The following TMEM143 variants were observed in gnomAD, a reference collection of about 807,000 sequenced individuals.
TMEM143 encodes the protein transmembrane protein 143.
TMEM143 carries 45 observed loss-of-function variants against 40.3 expected under a neutral mutation model. The observed-to-expected ratio is 1.12, with a 90% confidence interval of 0.88 to 1.43. The LOEUF is 1.43. Ranked by LOEUF, TMEM143 falls within the 40% of genes most tolerant of loss-of-function variation. The probability of loss-of-function intolerance (pLI) is 0.00; values close to 1 mark genes in which losing one functional copy is unlikely to be tolerated. For missense variants in TMEM143, 620 were observed against 613.4 expected, an observed-to-expected ratio of 1.01 and a Z score of -0.11; for synonymous variants, 299 against 282.7, an observed-to-expected ratio of 1.06 and a Z score of -0.58.
At chr19:48,356,838 C>T (rs1244606745) in intron 3 of TMEM143, among the ~76,000 whole-genome samples, 1 of 150,204 alleles carries the variant, frequency 6.7e-6, no homozygotes, top group Non-Finnish European at 1.5e-5. Flanking sequence ...AGGTGATCCG[C>T]CCGCCTCGGC....
chr19:48,358,762 A>G (rs1335159063), intron 3 of TMEM143, among the ~76,000 whole-genome samples: 1 of 152,096 alleles, frequency 6.6e-6, no homozygotes, highest in Non-Finnish European at 1.5e-5. Flanking sequence ...CCTGCCTCTG[A>G]TAGTCTGTTC....
intron 4 of TMEM143, among the ~76,000 whole-genome samples, chr19:48,344,390 A>G (rs535986466): frequency 6.7e-6 from 1 of 148,528 alleles, no homozygotes. Context: ...CTGGGATCAA[A>G]TGATCCTCCC....
chr19:48,351,941 C>T (rs571915318), intron 3 of TMEM143, among the ~76,000 whole-genome samples: 9 of 152,034 alleles, frequency 5.9e-5, no homozygotes, highest in South Asian at 2.1e-4. Context: ...ATGCTCAAGC[C>T]CCTGATATAA....
intron 3 of TMEM143, among the ~76,000 whole-genome samples, chr19:48,348,651 ACTC>A (rs1349105481): frequency 6.6e-6 from 1 of 152,204 alleles, no homozygotes; most frequent in Non-Finnish European, 1.5e-5. Context: ...ACAGTGTGAA[ACTC>A]CTCATTTACA....
intron 6 of TMEM143, among the ~76,000 whole-genome samples, chr19:48,336,283 C>T (rs1304135922): frequency 2.0e-5 from 3 of 151,222 alleles, no homozygotes; most frequent in Admixed American, 1.3e-4. Flanking sequence ...TTTGGGAGGC[C>T]GAGACGGGCA....
At position 48,342,564 on chromosome 19, in the gene TMEM143, A is replaced by G. The variant is rs777482957; in HGVS notation, c.941T>C (p.Leu314Pro). 1.2e-6 allele frequency: 2 copies of G among 1,610,758 alleles called. No homozygotes were observed. Among genetic ancestry groups the G allele is most frequent in the Non-Finnish European group, 1.7e-6 (2 of 1,179,074 alleles). ...LKVATSLLLLLFAIFMGLRAS... is the reference protein window; with the variant it reads ...LKVATSLLLLPFAIFMGLRAS... ...CCGCAGGCCCATGAAGATGGCGAAGAGCAGCAGCAGCAGGGAGGTGGCCAC... is the reference window on the plus strand; with the variant it reads ...CCGCAGGCCCATGAAGATGGCGAAGGGCAGCAGCAGCAGGGAGGTGGCCAC... Residue 314 changes from leucine to proline, a missense_variant, in exon 6 of 8, where the codon CTC becomes CCC. By Grantham distance (98) the Leu-to-Pro change is moderately conservative (BLOSUM62 -3). Coordinates refer to ENST00000293261, the MANE Select transcript of TMEM143 (RefSeq NM_018273.4).
rs1969321204 is a variant in TMEM143, at chr19:48,334,513, CTTTCTTTCTCTT to C, written c.976-328_976-317del. Among the ~76,000 whole-genome samples, 3 of 123,050 alleles carry C rather than the reference CTTTCTTTCTCTT, an allele frequency of 2.4e-5. No homozygotes were observed. The Admixed American group carries it at 2.6e-4, about 10-fold the overall frequency. 80.7% of individuals were successfully genotyped at this position (123,050 alleles called of 152,430 possible). On this transcript the variant is annotated intron_variant, in intron 6 of 7. Coordinates refer to ENST00000293261, the MANE Select transcript of TMEM143 (RefSeq NM_018273.4). ...CTTTCTTTCGTTCTTTCTTTCTTTT[CTTTCTTTCTCTT>C]TCTTTCTTTTCTTTTCTTTCTTTCT...
chr19:48,345,455 T>TTAC, intron 3 of TMEM143, 101 bp from the exon 4 acceptor site: 1 of 468,214 alleles, frequency 2.1e-6, no homozygotes, highest in Non-Finnish European at 2.9e-6. Flanking sequence ...CATTTATTTA[T>TTAC]TTATTTATTT....
chr19:48,355,768 G>A (rs1969876307), intron 3 of TMEM143, among the ~76,000 whole-genome samples: 1 of 152,214 alleles, frequency 6.6e-6, no homozygotes, highest in Admixed American at 6.5e-5. Flanking sequence ...CTAAGCCCTT[G>A]GAATGTCCTG....
At chr19:48,334,455 TTTCTTTCTTTCTTTC>T (rs1569022408) in intron 6 of TMEM143, among the ~76,000 whole-genome samples, 2 of 45,716 alleles carry the variant, frequency 4.4e-5, no homozygotes, top group East Asian at 4.5e-4. Context: ...TCTTTCTTTC[TTTCTTTCTTTCTTTC>T]TTTCTTTCTT....
intron 2 of TMEM143, among the ~76,000 whole-genome samples, chr19:48,361,636 T>C (rs1473554495): frequency 6.6e-6 from 1 of 151,606 alleles, no homozygotes; most frequent in Non-Finnish European, 1.5e-5. Flanking sequence ...GTTCACACCA[T>C]TCTCCTGCCT....
In TMEM143 at chr19:48,360,172, A is replaced by G. The variant is rs1970006243; in HGVS notation, c.269T>C (p.Phe90Ser). The G allele has an allele frequency of 6.2e-7, 1 of 1,614,002 alleles. No homozygotes were observed. ...EQLLRLLIQE[F>S]HSSPAEKAAL... ...CGCCTTCTCTGCCGGACTCGAGTGG[A>G]ATTCCTGTTACCTCAGGAAGCAAAA... Residue 90 changes from phenylalanine (F) to serine (S), a missense_variant, in exon 3 of 8, where the codon TTC (phenylalanine) becomes TCC (serine). Physicochemically the swap from Phe to Ser is radical, Grantham distance 155. Transcript: ENST00000293261.
intron 2 of TMEM143, among the ~76,000 whole-genome samples, chr19:48,362,600 A>C (rs771799297): frequency 3.9e-5 from 6 of 152,196 alleles, no homozygotes; most frequent in Admixed American, 3.3e-4. Context: ...TGATGGTGGC[A>C]ATAAGACCTC....
rs34945058 is a variant in TMEM143 at position 48,356,429 on chromosome 19, C to CTTT, written c.369+3640_369+3642dup. Among the ~76,000 whole-genome samples, 87 of 118,484 alleles carry CTTT rather than the reference C, an allele frequency of 7.3e-4. 2 individuals carry two copies. Among genetic ancestry groups the CTTT allele is most frequent in the Middle Eastern group, 0.01 (2 of 198 alleles). The allele number at this position is 118,484 out of a possible 152,430, so 77.7% of individuals were successfully genotyped here. ...GCGTGAGTCACCACGCCCGGCCCTC[C>CTTT]TTTTTTTTTTTTTTTTTGAGACAGA... On this transcript the variant is annotated intron_variant, in intron 3 of 7. Transcript: ENST00000293261.
In TMEM143 at chr19:48,360,116, AG is replaced by A; in HGVS notation, c.324del (p.Phe109SerfsTer33). 1 of 1,614,160 alleles carries A rather than the reference AG, an allele frequency of 6.2e-7. No homozygotes were observed. The highest frequency in any genetic ancestry group is 1.1e-5 in the South Asian group (1 of 91,076). On this transcript the variant is annotated frameshift_variant, in exon 3 of 8. Coordinates refer to ENST00000293261, the MANE Select transcript of TMEM143 (RefSeq NM_018273.4). LOFTEE classifies it high-confidence loss of function. ...AALEAFSAHV[D>X]FCTLFHYHQI... ...TGGTGGTAGTGGAACAGGGTGCAGA[AG>A]TCCACGTGGGCCGAGAACGCCTCCA...
intron 3 of TMEM143, among the ~76,000 whole-genome samples, chr19:48,348,814 C>G (rs986769970): frequency 1.3e-5 from 2 of 152,194 alleles, no homozygotes; most frequent in Non-Finnish European, 2.9e-5. Flanking sequence ...CAGGATCACA[C>G]TTCCTAGTAG....
rs763006588 is a variant in TMEM143 at position 48,334,734 on chromosome 19, A to C, written c.976-537T>G. On this transcript the variant is annotated intron_variant, in intron 6 of 7. Transcript: ENST00000293261. Reference sequence around the variant, plus strand: ...TGGCCTCCTAAGTAGCTGGGACTACAGGTGTGCGCCACCAAGCCCGATATT... The same window carrying C: ...TGGCCTCCTAAGTAGCTGGGACTACCGGTGTGCGCCACCAAGCCCGATATT... Among the ~76,000 whole-genome samples the C allele has an allele frequency of 4.5e-4, 69 of 151,940 alleles. 1 individual carries two copies. The highest frequency in any genetic ancestry group is 1.6e-4 in the Non-Finnish European group (11 of 67,976).
chr19:48,363,817 A>G lies in TMEM143; in HGVS notation c.23+81T>C. The stretch of plus-strand genomic sequence containing the variant: ...TAGACAGCGAGGTAGATCTTAGGAG[A>G]GCAGGAAATGCTCGTAAAGGTTACC... On this transcript the variant is annotated intron_variant, in intron 1 of 7. Coordinates refer to ENST00000293261, the MANE Select transcript of TMEM143 (RefSeq NM_018273.4). The G allele has an allele frequency of 1.9e-6, 3 of 1,599,830 alleles. No individual in the cohort carries two copies. In the South Asian group the frequency reaches 3.3e-5, roughly 18 times the overall value.
intron 3 of TMEM143, among the ~76,000 whole-genome samples, chr19:48,354,476 G>A (rs988355302): frequency 6.6e-6 from 1 of 152,024 alleles, no homozygotes; most frequent in Admixed American, 6.6e-5. Flanking sequence ...TGTTGGCCAA[G>A]CTGGTCTCGA....
Sources: gnomAD v4.1 joint callset for allele counts (sites outside exome capture counted in the v4.1 genomes callset) on GRCh38, gnomAD v4.1.1 for gene constraint, MANE v1.5 for transcripts, NCBI Gene and HGNC (gene_info 2026-07-23, HGNC 2026-07-21) for gene names.